Variants in CENPF observed in about 807,000 individuals in gnomAD.
The protein encoded by CENPF is centromere protein F.
CENPF carries 214 observed loss-of-function variants against 307.3 expected under a neutral mutation model. The observed-to-expected ratio is 0.70, with a 90% CI of 0.62 to 0.78. CENPF has a LOEUF of 0.78. Ranked by LOEUF, CENPF falls within the 30% of genes least tolerant of loss-of-function variation. The pLI is 0.00. For missense variants in CENPF, 3,401 were observed against 3,483.9 expected (o/e 0.98, Z 0.60); for synonymous variants, 1,259 against 1,270.6 (o/e 0.99, Z 0.19).
intron 7 of CENPF, among the ~76,000 whole-genome samples, 189 bp from the exon 8 acceptor site, chr1:214,628,857 A>G (rs1657728272): frequency 6.6e-6 from 1 of 152,170 alleles, no homozygotes; most frequent in African/African-American, 2.4e-5. Flanking sequence ...AGACATGCCG[A>G]TCTTTTTTTT....
chr1:214,662,553 G>T (rs1345935847), intron 19 of CENPF, among the ~76,000 whole-genome samples: 1 of 152,172 alleles, frequency 6.6e-6, no homozygotes, highest in African/African-American at 2.4e-5. Flanking sequence ...ATCCCTGGAA[G>T]TCAGTTGCTC....
Position 214,651,822 on chromosome 1 carries a change from A to G in CENPF, c.8096A>G (p.Tyr2699Cys). 1.2e-6 allele frequency: 2 copies of G among 1,613,048 alleles called. No homozygotes were observed. The highest frequency in any genetic ancestry group is 1.7e-6 in the Non-Finnish European group (2 of 1,179,506). The change falls in exon 15 of 20, where the codon TAT (tyrosine) becomes TGT (cysteine). Residue 2699 changes from tyrosine (Y) to cysteine (C), a missense_variant. Physicochemically the swap from Tyr to Cys is radical, Grantham distance 194. Coordinates refer to ENST00000366955, the MANE Select transcript of CENPF (RefSeq NM_016343.4). ...EGKVREEIAEYQLRLHEAEKK... is the reference protein window; with the variant it reads ...EGKVREEIAECQLRLHEAEKK... ...AAAGTGAGAGAGGAAATAGCTGAAT[A>G]TCAGCTACGGCTTCATGAAGCTGAA...
Position 214,655,293 on chromosome 1 carries a change from A to C in CENPF, c.8375A>C (p.Gln2792Pro). 6.2e-7 allele frequency: 1 copy of C among 1,610,498 alleles called. No homozygotes were observed. The highest frequency in any genetic ancestry group is 1.1e-5 in the South Asian group (1 of 90,246). The change falls in exon 17 of 20, where the codon CAG (glutamine) becomes CCG (proline). Residue 2792 changes from glutamine to proline, a missense_variant. Physicochemically the swap from Gln to Pro is moderately conservative, Grantham distance 76. Coordinates refer to ENST00000366955, the MANE Select transcript of CENPF (RefSeq NM_016343.4). ...NQLKKENERAQGKMKLLIKSC... is the reference protein window; with the variant it reads ...NQLKKENERAPGKMKLLIKSC... The stretch of plus-strand genomic sequence containing the variant: ...TTGAAGAAGGAAAATGAACGTGCCC[A>C]GGGGAAAATGAAGTTGTTGATCAAA...
At chr1:214,650,928 GCAA>G (rs1658445208) in intron 14 of CENPF, among the ~76,000 whole-genome samples, 2 of 152,004 alleles carry the variant, frequency 1.3e-5, no homozygotes. Flanking sequence ...AACAACAACA[GCAA>G]CAACAATAAT....
At chr1:214,615,263 G>T (rs1657304952) in intron 3 of CENPF, 1 of 294,378 alleles carries the variant, frequency 3.4e-6, no homozygotes, top group African/African-American at 2.2e-5. Context: ...TCAAATGTTT[G>T]CTGCATTACT....
At chr1:214,652,326 C>T (rs12129409) in intron 15 of CENPF, among the ~76,000 whole-genome samples, 51,932 of 151,320 alleles carry the variant, frequency 0.34, 9,879 homozygotes, top group Non-Finnish European at 0.44. Flanking sequence ...TGAGCCACTG[C>T]GCCTGGCCCG....
In CENPF at chr1:214,648,264, C is replaced by T. The variant is rs562900629; in HGVS notation, c.7831-411C>T. Among the ~76,000 whole-genome samples the T allele has an allele frequency of 1.0e-3, 153 of 152,204 alleles. 1 individual carries two copies. Among genetic ancestry groups the T allele is most frequent in the Middle Eastern group, 6.8e-3 (2 of 294 alleles). ...ACAAATGCAAACAATAGCTTTTTAACTGTTTTTCAGTAATCATAAGCATGT... is the reference window on the plus strand; with the variant it reads ...ACAAATGCAAACAATAGCTTTTTAATTGTTTTTCAGTAATCATAAGCATGT... On this transcript the variant is annotated intron_variant, in intron 13 of 19. Coordinates refer to ENST00000366955, the MANE Select transcript of CENPF (RefSeq NM_016343.4).
rs1658844256 is a variant in CENPF at position 214,663,692 on chromosome 1, T to A, written c.9243T>A (p.Thr3081=). Residue 3081 remains threonine (T), a synonymous_variant, in exon 20 of 20, where the codon ACT becomes ACA. Coordinates refer to ENST00000366955, the MANE Select transcript of CENPF (RefSeq NM_016343.4). ...PVNNLPERSP[T]DSPREGLRVK... ...ATAATCTTCCTGAGAGAAGTCCGAC[T>A]GACAGCCCCAGAGAGGGCCTGAGGG... 3 of 1,613,864 alleles carry A rather than the reference T, an allele frequency of 1.9e-6. No homozygotes were observed. The highest frequency in any genetic ancestry group is 2.5e-6 in the Non-Finnish European group (3 of 1,180,022).
intron 16 of CENPF, chr1:214,653,678 T>A (rs970226088): frequency 5.9e-5 from 9 of 152,846 alleles, no homozygotes; most frequent in African/African-American, 1.2e-4. Context: ...TTATATTTTT[T>A]AAATTTTGAG....
chr1:214,609,962 T>C (rs1214215747), intron 1 of CENPF, among the ~76,000 whole-genome samples: 1 of 152,176 alleles, frequency 6.6e-6, no homozygotes, highest in African/African-American at 2.4e-5. Flanking sequence ...TTTAGATTGA[T>C]TGCATGTCTT....
At position 214,645,538 on chromosome 1, in the gene CENPF, G is replaced by A; in HGVS notation, c.5968G>A (p.Glu1990Lys). ...LSEKMKEKTQ[E>K]LESHQSECLH... The stretch of plus-strand genomic sequence containing the variant: ...TGAAAAAATGAAGGAGAAAACACAA[G>A]AGCTTGAGTCTCATCAAAGTGAGTG... Residue 1990 changes from glutamate (E) to lysine (K), a missense_variant, in exon 13 of 20, where the codon GAG (glutamate) becomes AAG (lysine). By Grantham distance (56) the Glu-to-Lys change is moderately conservative. Coordinates refer to ENST00000366955, the MANE Select transcript of CENPF (RefSeq NM_016343.4). 6.2e-7 allele frequency: 1 copy of A among 1,614,116 alleles called. No individual in the cohort carries two copies. Among genetic ancestry groups the A allele is most frequent in the Non-Finnish European group, 8.5e-7 (1 of 1,180,010 alleles).
intron 10 of CENPF, among the ~76,000 whole-genome samples, chr1:214,634,480 G>T (rs530355866): frequency 6.6e-6 from 1 of 152,296 alleles, no homozygotes; most frequent in Admixed American, 6.5e-5. Flanking sequence ...TTAGACAGTG[G>T]CTTACCCTTT....
chr1:214,644,656 A>G lies in CENPF; in HGVS notation c.5086A>G (p.Lys1696Glu). ...PKHDVHQICD[K>E]DAQQDLNLDI... ...GCATGATGTTCATCAGATTTGTGAT[A>G]AAGATGCTCAGCAGGACCTCAATCT... The change falls in exon 13 of 20, where the codon AAA becomes GAA. Residue 1696 changes from lysine (K) to glutamate (E), a missense_variant. Transcript: ENST00000366955. 1 of 1,614,112 alleles carries G rather than the reference A, an allele frequency of 6.2e-7. No homozygotes were observed. Among genetic ancestry groups the G allele is most frequent in the East Asian group, 2.2e-5 (1 of 44,874 alleles).
In CENPF at chr1:214,632,740, T is replaced by TA. The variant is rs1657845267; in HGVS notation, c.1446+139dup. ...TTTTCTATTCACCAGAAGTAAGTAT[T>TA]ACAGAATTTTCTGTATATAACCCAT... On this transcript the variant is annotated intron_variant, in intron 10 of 19. Transcript: ENST00000366955. 6 of 991,806 alleles carry TA rather than the reference T, an allele frequency of 6.0e-6. No individual in the cohort carries two copies. The Admixed American group carries it at 1.8e-4, about 30-fold the overall frequency. 61.4% of individuals were successfully genotyped at this position (991,806 alleles called of 1,614,324 possible).
At chr1:214,618,051 C>G (rs1657406665) in intron 3 of CENPF, among the ~76,000 whole-genome samples, 1 of 152,186 alleles carries the variant, frequency 6.6e-6, no homozygotes, top group African/African-American at 2.4e-5. Flanking sequence ...CAAACACACC[C>G]TTCTTCGCAT....
rs1658166565 is a variant in CENPF at position 214,642,833 on chromosome 1, C to G, written c.4495C>G (p.Leu1499Val). 2 of 1,614,018 alleles carry G rather than the reference C, an allele frequency of 1.2e-6. No homozygotes were observed. Among genetic ancestry groups the G allele is most frequent in the East Asian group, 2.2e-5 (1 of 44,864 alleles). The change falls in exon 12 of 20, where the codon CTT becomes GTT. Residue 1499 changes from leucine to valine, a missense_variant. Transcript: ENST00000366955. Reference protein sequence around the residue: ...SLGDSSFYRALLEQTGDMSLL... With the variant: ...SLGDSSFYRAVLEQTGDMSLL... Reference sequence around the variant, plus strand: ...GGGAGACTCCTCCTTTTACAGAGCTCTTTTAGAACAGACAGGAGATATGTC... The same window carrying G: ...GGGAGACTCCTCCTTTTACAGAGCTGTTTTAGAACAGACAGGAGATATGTC...
chr1:214,649,828 T>C (rs1449469284), intron 14 of CENPF, among the ~76,000 whole-genome samples: 3 of 152,218 alleles, frequency 2.0e-5, no homozygotes, highest in Non-Finnish European at 4.4e-5. Context: ...AGGAGTAGTT[T>C]GGCCTCAGCC....
intron 10 of CENPF, 139 bp downstream of exon 10, chr1:214,632,741 A>G: frequency 1.0e-6 from 1 of 1,003,818 alleles, no homozygotes; most frequent in Non-Finnish European, 1.4e-6. Context: ...AGTAAGTATT[A>G]CAGAATTTTC....
chr1:214,620,566 G>T, intron 5 of CENPF, 89 bp from the exon 6 acceptor site: 1 of 1,357,044 alleles, frequency 7.4e-7, no homozygotes, highest in Non-Finnish European at 1.0e-6. Flanking sequence ...TTAACTTCTT[G>T]GGATTATGGC....
Sources: allele counts gnomAD v4.1 joint callset (sites outside exome capture counted in the v4.1 genomes callset), GRCh38; gene constraint gnomAD v4.1.1; transcripts MANE v1.5; gene names NCBI Gene and HGNC (gene_info 2026-07-23, HGNC 2026-07-21).